The following SRPK2 variants were observed in gnomAD, a reference collection of about 807,000 sequenced individuals.
The protein encoded by SRPK2 is SRSF protein kinase 2.
A neutral mutation model predicts 90.8 loss-of-function variants in SRPK2; 21 were observed. That is an observed-to-expected ratio of 0.23 (90% CI 0.16 to 0.33). SRPK2 has a LOEUF of 0.33. SRPK2 is among the 10% of genes least tolerant of loss of function. SRPK2 has a pLI of 1.00. For missense variants in SRPK2, 620 were observed against 869.0 expected, an observed-to-expected ratio of 0.71 and a Z score of 3.60; for synonymous variants, 288 against 311.1, an observed-to-expected ratio of 0.93 and a Z score of 0.78.
intron 2 of SRPK2, among the ~76,000 whole-genome samples, chr7:105,208,091 G>C (rs1796423323): frequency 6.6e-6 from 1 of 152,160 alleles, no homozygotes; most frequent in South Asian, 2.1e-4. Context: ...CAAAACTACA[G>C]TCTGACACCA....
chr7:105,123,288 T>C (rs1437774912), intron 15 of SRPK2, among the ~76,000 whole-genome samples: 1 of 152,124 alleles, frequency 6.6e-6, no homozygotes, highest in Middle Eastern at 3.2e-3. Flanking sequence ...CTTCTTAAAT[T>C]ATACGCAAGG....
At chr7:105,223,084 T>C (rs138942715) in intron 2 of SRPK2, among the ~76,000 whole-genome samples, 49 of 152,306 alleles carry the variant, frequency 3.2e-4, no homozygotes, top group Non-Finnish European at 6.5e-4. Context: ...ACTGAGCGCA[T>C]ACAGTCCAGG....
At chr7:105,248,235 A>G (rs1046792191) in intron 2 of SRPK2, among the ~76,000 whole-genome samples, 1 of 152,090 alleles carries the variant, frequency 6.6e-6, no homozygotes, top group Non-Finnish European at 1.5e-5. Context: ...AAAAAGTCAG[A>G]ATCACATTTA....
At position 105,287,188 on chromosome 7, in the gene SRPK2, G is replaced by T. The variant is rs796966358; in HGVS notation, c.72-83403C>A. ...AGGCAGGAGAATGGCGTGAACCCGGGAGGCGGAGCTTGCAGTGAGCCGAGA... is the reference window on the plus strand; with the variant it reads ...AGGCAGGAGAATGGCGTGAACCCGGTAGGCGGAGCTTGCAGTGAGCCGAGA... On this transcript the variant is annotated intron_variant, in intron 2 of 15. Transcript: ENST00000393651. Among the ~76,000 whole-genome samples, 504 of 145,202 alleles carry T rather than the reference G, an allele frequency of 3.5e-3. 3 individuals are homozygous for T. Among genetic ancestry groups the T allele is most frequent in the African/African-American group, 0.012 (476 of 39,364 alleles).
intron 2 of SRPK2, among the ~76,000 whole-genome samples, chr7:105,381,073 T>G (rs1434559748): frequency 6.7e-6 from 1 of 150,030 alleles, no homozygotes; most frequent in Non-Finnish European, 1.5e-5. Context: ...CTGACCAGGC[T>G]CTACTAAAAA....
intron 11 of SRPK2, 146 bp from the exon 12 acceptor site, chr7:105,133,250 G>T: frequency 3.9e-6 from 3 of 762,942 alleles, no homozygotes; most frequent in Non-Finnish European, 6.4e-6. Context: ...AAACTTGACA[G>T]AACTAAAATT....
At chr7:105,379,913 G>A (rs1055846651) in intron 2 of SRPK2, among the ~76,000 whole-genome samples, 18 of 152,124 alleles carry the variant, frequency 1.2e-4, no homozygotes, top group Non-Finnish European at 2.9e-5. Context: ...GGGAAGCGGA[G>A]GTTGCAGTGA....
chr7:105,274,379 TG>T (rs1275241751), intron 2 of SRPK2, among the ~76,000 whole-genome samples: 3 of 151,948 alleles, frequency 2.0e-5, no homozygotes, highest in Non-Finnish European at 2.9e-5. Flanking sequence ...CTGGCCAAGA[TG>T]GTGAAACACC....
intron 2 of SRPK2, among the ~76,000 whole-genome samples, chr7:105,374,140 T>A (rs531217084): frequency 6.6e-6 from 1 of 152,018 alleles, no homozygotes; most frequent in East Asian, 1.9e-4. Context: ...TTGGCCAGGC[T>A]GGTCTCAAAC....
upstream of SRPK2, chr7:105,388,960 C>T: frequency 8.7e-7 from 1 of 1,145,390 alleles, no homozygotes; most frequent in Non-Finnish European, 1.1e-6. Flanking sequence ...AGGGACCCAG[C>T]AAGACCCGCC....
At chr7:105,393,909 A>G (rs979674872), upstream of SRPK2, among the ~76,000 whole-genome samples, 1 of 151,566 alleles carries the variant, frequency 6.6e-6, no homozygotes, top group Non-Finnish European at 1.5e-5. Flanking sequence ...CTGCATTCCA[A>G]CCTGAGCAAT....
intron 3 of SRPK2, among the ~76,000 whole-genome samples, chr7:105,194,438 T>C (rs971379675): frequency 8.5e-5 from 13 of 152,206 alleles, no homozygotes; most frequent in Admixed American, 5.2e-4. Flanking sequence ...GATGAAATGA[T>C]TGTGTGTAGA....
At position 105,190,075 on chromosome 7, in the gene SRPK2, C is replaced by T. The variant is rs576655296; in HGVS notation, c.229+13553G>A. ...ATTCTCTTAGTGGGTAATGGCAGCA[C>T]CAGCAGGAGCAGGCCAGGAGCAGGA... On this transcript the variant is annotated intron_variant, in intron 3 of 15. Transcript: ENST00000393651. 5.3e-5 allele frequency among the ~76,000 whole-genome samples: 8 copies of T among 152,242 alleles called. No homozygotes were observed. The South Asian group carries it at 1.7e-3, about 32-fold the overall frequency.
At chr7:105,239,630 A>G (rs1442995464) in intron 2 of SRPK2, among the ~76,000 whole-genome samples, 1 of 152,236 alleles carries the variant, frequency 6.6e-6, no homozygotes, top group African/African-American at 2.4e-5. Flanking sequence ...CTGGGATGAG[A>G]GCAAAAAAAT....
At chr7:105,366,177 G>T (rs1441584928) in intron 2 of SRPK2, among the ~76,000 whole-genome samples, 1 of 151,742 alleles carries the variant, frequency 6.6e-6, no homozygotes, top group Admixed American at 6.6e-5. Context: ...ATGGTGTCTG[G>T]GAACTCATAC....
chr7:105,125,129 CAAA>C (rs61616576), intron 15 of SRPK2, among the ~76,000 whole-genome samples: 8 of 88,098 alleles, frequency 9.1e-5, no homozygotes, highest in Admixed American at 2.7e-4. Context: ...GACTCCATCT[CAAA>C]AAAAAAAAAA....
At chr7:105,217,086 ACAGGCCTTTTGG>A (rs1192231516) in intron 2 of SRPK2, among the ~76,000 whole-genome samples, 3 of 152,224 alleles carry the variant, frequency 2.0e-5, no homozygotes, top group Non-Finnish European at 4.4e-5. Flanking sequence ...CGATACTGCT[ACAGGCCTTTTGG>A]CATATCTGGA....
chr7:105,312,885 C>T (rs757130521), intron 2 of SRPK2, among the ~76,000 whole-genome samples: 7 of 152,160 alleles, frequency 4.6e-5, no homozygotes, highest in Non-Finnish European at 5.9e-5. Context: ...GATCCTCCCA[C>T]CTTGGCCTCC....
At chr7:105,206,895 G>C (rs1796295887) in intron 2 of SRPK2, among the ~76,000 whole-genome samples, 1 of 152,214 alleles carries the variant, frequency 6.6e-6, no homozygotes, top group East Asian at 1.9e-4. Context: ...CTCACGTTGA[G>C]AGATTCCTGG....
Sources: allele counts gnomAD v4.1 joint callset (sites outside exome capture counted in the v4.1 genomes callset), GRCh38; gene constraint gnomAD v4.1.1; transcripts MANE v1.5; gene names NCBI Gene and HGNC (gene_info 2026-07-23, HGNC 2026-07-21).